Variants in NKAIN3 observed in about 807,000 individuals in gnomAD.
The protein encoded by NKAIN3 is sodium/potassium-transporting ATPase subunit beta-1-interacting protein 3.
A neutral mutation model predicts 30.2 loss-of-function variants in NKAIN3; 25 were observed. That is an observed-to-expected ratio of 0.83 (90% CI 0.60 to 1.16). The LOEUF (loss-of-function observed/expected upper bound fraction) is 1.16, where lower values mean the gene tolerates loss of function less well. NKAIN3 is among the 50% of genes most tolerant of loss of function. The pLI, the probability that NKAIN3 is intolerant of heterozygous loss-of-function variation, is 0.00. For synonymous variants in NKAIN3, 91 were observed against 89.6 expected, an observed-to-expected ratio of 1.02 and a Z score of -0.09; for missense variants, 225 against 254.1, an observed-to-expected ratio of 0.89 and a Z score of 0.78.
chr8:62,424,987 A>G (rs1804762995), intron 1 of NKAIN3, among the ~76,000 whole-genome samples: 1 of 151,938 alleles, frequency 6.6e-6, no homozygotes, highest in Non-Finnish European at 1.5e-5. Context: ...CATATCTGAC[A>G]ACATGGATCA....
intron 4 of NKAIN3, among the ~76,000 whole-genome samples, chr8:62,865,928 T>C (rs1820400652): frequency 6.6e-6 from 1 of 152,174 alleles, no homozygotes; most frequent in Non-Finnish European, 1.5e-5. Flanking sequence ...TGTGCAAGCT[T>C]TTCATTCCAT....
intron 1 of NKAIN3, among the ~76,000 whole-genome samples, chr8:62,405,752 C>A (rs1042191201): frequency 3.9e-5 from 6 of 152,058 alleles, no homozygotes; most frequent in Non-Finnish European, 7.4e-5. Context: ...TATGAAGGTG[C>A]TTTTTTATGT....
At chr8:62,712,354 A>T (rs1205520142) in intron 3 of NKAIN3, among the ~76,000 whole-genome samples, 1 of 152,022 alleles carries the variant, frequency 6.6e-6, no homozygotes. Context: ...AAGGACCATC[A>T]GGTGGGGGTT....
intron 3 of NKAIN3, among the ~76,000 whole-genome samples, chr8:62,650,526 T>G (rs1028016313): frequency 3.3e-5 from 5 of 152,200 alleles, no homozygotes; most frequent in African/African-American, 1.2e-4. Context: ...TGCTTCTGTG[T>G]TTTTATTTCT....
At chr8:62,708,301 A>G (rs921801798) in intron 3 of NKAIN3, among the ~76,000 whole-genome samples, 2 of 152,096 alleles carry the variant, frequency 1.3e-5, no homozygotes, top group African/African-American at 2.4e-5. Context: ...TTGAATTTGT[A>G]TATTGCTTTT....
intron 5 of NKAIN3, among the ~76,000 whole-genome samples, chr8:62,942,611 C>T (rs1823000398): frequency 6.6e-6 from 1 of 151,346 alleles, no homozygotes; most frequent in Admixed American, 6.6e-5. Context: ...GGAGGCATCA[C>T]ATTACCTGAC....
intron 1 of NKAIN3, among the ~76,000 whole-genome samples, chr8:62,501,054 T>G (rs572331368): frequency 7.2e-5 from 11 of 152,368 alleles, no homozygotes; most frequent in African/African-American, 2.6e-4. Context: ...TTCTTATACA[T>G]GTTCCTTTTT....
chr8:62,430,369 GT>G (rs1285799776), intron 1 of NKAIN3, among the ~76,000 whole-genome samples: 2 of 35,220 alleles, frequency 5.7e-5, no homozygotes, highest in Admixed American at 3.1e-4. Flanking sequence ...ATATTGTGGT[GT>G]GTGTGTGTGT....
intron 1 of NKAIN3, among the ~76,000 whole-genome samples, chr8:62,384,494 CTTAA>C (rs1303275164): frequency 2.6e-5 from 4 of 152,024 alleles, no homozygotes; most frequent in Non-Finnish European, 5.9e-5. Context: ...CTAACTTTTT[CTTAA>C]TTTTTTCAAT....
intron 1 of NKAIN3, among the ~76,000 whole-genome samples, chr8:62,480,366 T>C (rs1806674384): frequency 6.6e-6 from 1 of 152,124 alleles, no homozygotes; most frequent in Non-Finnish European, 1.5e-5. Flanking sequence ...AACATCATAT[T>C]TTATATCCTA....
intron 1 of NKAIN3, among the ~76,000 whole-genome samples, chr8:62,538,049 G>A (rs78467429): frequency 3.4e-3 from 524 of 152,264 alleles, no homozygotes; most frequent in African/African-American, 0.012. Flanking sequence ...CAGAAAGCAG[G>A]TGTCTGAACA....
intron 1 of NKAIN3, among the ~76,000 whole-genome samples, chr8:62,485,575 G>C (rs1186412141): frequency 6.6e-6 from 1 of 152,108 alleles, no homozygotes; most frequent in Non-Finnish European, 1.5e-5. Flanking sequence ...AAGAAGTTTG[G>C]ACTTTATTCT....
intron 1 of NKAIN3, among the ~76,000 whole-genome samples, chr8:62,271,819 C>A (rs2129392984): frequency 6.6e-6 from 1 of 152,246 alleles, no homozygotes; most frequent in Non-Finnish European, 1.5e-5. Context: ...TATTTTGGTT[C>A]CTCAGCTTTA....
At position 62,970,721 on chromosome 8, in the gene NKAIN3, T is replaced by C. The variant is rs1344896856; in HGVS notation, c.*5314T>C. Among the ~76,000 whole-genome samples, 1 of 152,170 alleles carries C rather than the reference T, an allele frequency of 6.6e-6. No individual in the cohort carries two copies. The highest frequency in any genetic ancestry group is 1.5e-5 in the Non-Finnish European group (1 of 68,030). ...GAATCCAAAGTTGAAAGTCACCTAA[T>C]TGGGATTTGAACAGTCAGTTTTTAA... is the stretch of plus-strand genomic sequence containing the variant. On this transcript the variant is annotated 3_prime_UTR_variant, in exon 7 of 7. Transcript: ENST00000623646.
intron 1 of NKAIN3, among the ~76,000 whole-genome samples, chr8:62,304,836 C>T (rs186928304): frequency 4.7e-5 from 7 of 150,508 alleles, no homozygotes; most frequent in African/African-American, 1.3e-4. Flanking sequence ...CGTTCATAGG[C>T]CAGCAGAAGC....
intron 3 of NKAIN3, among the ~76,000 whole-genome samples, chr8:62,649,257 A>C (rs899740520): frequency 2.0e-5 from 3 of 152,126 alleles, no homozygotes; most frequent in African/African-American, 7.2e-5. Flanking sequence ...CCTGTGGGAA[A>C]CCATGCCTTG....
Position 62,824,325 on chromosome 8 carries a change from C to T in NKAIN3, c.471+77196C>T, listed in dbSNP as rs551952825. On this transcript the variant is annotated intron_variant, in intron 4 of 6. Transcript: ENST00000623646. ...GTGGCATGCCACTACACCTACTACA[C>T]TAGCCCTACCTTTGCAGTATTCTCA... Among the ~76,000 whole-genome samples the T allele has an allele frequency of 1.7e-4, 26 of 152,280 alleles. No homozygotes were observed. The South Asian group carries it at 4.8e-3, about 28-fold the overall frequency.
intron 3 of NKAIN3, among the ~76,000 whole-genome samples, chr8:62,593,633 A>G (rs1810728059): frequency 6.6e-6 from 1 of 152,076 alleles, no homozygotes; most frequent in Admixed American, 6.6e-5. Context: ...AAAGATTAAT[A>G]GAAAAAAATT....
chr8:62,880,937 A>G (rs760262997), intron 4 of NKAIN3, among the ~76,000 whole-genome samples: 1 of 152,200 alleles, frequency 6.6e-6, no homozygotes, highest in Non-Finnish European at 1.5e-5. Context: ...CCACATATGC[A>G]CAGCTTTCCC....
Sources: gnomAD v4.1 joint callset for allele counts (sites outside exome capture counted in the v4.1 genomes callset) on GRCh38, gnomAD v4.1.1 for gene constraint, MANE v1.5 for transcripts, NCBI Gene and HGNC (gene_info 2026-07-23, HGNC 2026-07-21) for gene names.